The following POU6F2 variants were observed in gnomAD, a reference collection of about 807,000 sequenced individuals.
The protein encoded by POU6F2 is POU class 6 homeobox 2, also known as POU domain, class 6, transcription factor 2.
POU6F2 carries 31 observed loss-of-function variants against 71.3 expected under a neutral mutation model. The ratio of observed to expected loss-of-function variants is 0.43; its 90% CI spans 0.33 to 0.59. The LOEUF (loss-of-function observed/expected upper bound fraction) is 0.59, where lower values mean the gene tolerates loss of function less well. Among genes scored for constraint, POU6F2 ranks in the 20% least tolerant of loss-of-function variants. The pLI is 0.04. For missense variants in POU6F2, 783 were observed against 856.8 expected (o/e 0.91, Z 1.07); for synonymous variants, 347 against 355.7 (o/e 0.98, Z 0.27).
intron 5 of POU6F2, among the ~76,000 whole-genome samples, chr7:39,382,886 T>C (rs1489900500): frequency 6.6e-6 from 1 of 152,160 alleles, no homozygotes; most frequent in Non-Finnish European, 1.5e-5. Flanking sequence ...TAATTGATCT[T>C]CATAATAATA....
chr7:39,141,260 T>G (rs1202704340), intron 2 of POU6F2, among the ~76,000 whole-genome samples: 1 of 152,196 alleles, frequency 6.6e-6, no homozygotes, highest in Non-Finnish European at 1.5e-5. Context: ...CAGGAGTATT[T>G]CTGATTGAAT....
chr7:39,264,274 G>A (rs1177182044), intron 4 of POU6F2, among the ~76,000 whole-genome samples: 1 of 152,176 alleles, frequency 6.6e-6, no homozygotes, highest in African/African-American at 2.4e-5. Context: ...CTCTATTGGT[G>A]TTAGCTGTTA....
intron 4 of POU6F2, among the ~76,000 whole-genome samples, chr7:39,260,011 C>T (rs570577016): frequency 0.018 from 2,628 of 148,972 alleles, 37 homozygotes; most frequent in Middle Eastern, 0.051. Context: ...CCACACCACA[C>T]CATACCATGC....
intron 2 of POU6F2, among the ~76,000 whole-genome samples, chr7:39,155,675 G>A (rs557926555): frequency 8.5e-5 from 13 of 152,108 alleles, no homozygotes; most frequent in Non-Finnish European, 1.3e-4. Context: ...TGTGTCAGAG[G>A]ATGCATAAAT....
At chr7:39,010,411 T>C (rs1482125704) in intron 1 of POU6F2, among the ~76,000 whole-genome samples, 9 of 151,212 alleles carry the variant, frequency 6.0e-5, no homozygotes, top group African/African-American at 2.2e-4. Flanking sequence ...GATTCTTCTC[T>C]CTTTTTTTCT....
At chr7:39,336,684 A>C (rs1785785259) in intron 4 of POU6F2, among the ~76,000 whole-genome samples, 1 of 152,212 alleles carries the variant, frequency 6.6e-6, no homozygotes, top group Non-Finnish European at 1.5e-5. Flanking sequence ...GTATGTGAAC[A>C]GCAGTGAGTA....
chr7:39,087,850 C>T (rs754552095), intron 2 of POU6F2, among the ~76,000 whole-genome samples: 15 of 151,916 alleles, frequency 9.9e-5, no homozygotes, highest in Non-Finnish European at 1.8e-4. Flanking sequence ...GTTTAGGGTT[C>T]CCAGTGTTGA....
intron 2 of POU6F2, among the ~76,000 whole-genome samples, chr7:39,180,509 C>T (rs1793415263): frequency 2.6e-5 from 4 of 152,172 alleles, no homozygotes; most frequent in Non-Finnish European, 5.9e-5. Context: ...CTCCACCAGG[C>T]TTTGATGCTC....
intron 2 of POU6F2, among the ~76,000 whole-genome samples, chr7:39,109,641 GTATAATTT>G (rs1562709584): frequency 6.6e-6 from 1 of 152,140 alleles, no homozygotes; most frequent in East Asian, 1.9e-4. Flanking sequence ...TAGTTTGATA[GTATAATTT>G]ATACTGTAAT....
chr7:39,196,478 C>A (rs1215032912), intron 2 of POU6F2, among the ~76,000 whole-genome samples: 1 of 152,164 alleles, frequency 6.6e-6, no homozygotes, highest in East Asian at 1.9e-4. Context: ...CTAATTTGGG[C>A]CGGGCGCAGT....
At chr7:39,229,952 A>G (rs1328598753) in intron 4 of POU6F2, among the ~76,000 whole-genome samples, 1 of 152,234 alleles carries the variant, frequency 6.6e-6, no homozygotes. Flanking sequence ...CTTACTTGCC[A>G]CAGGCACCCT....
chr7:39,004,913 T>C (rs1206460796), intron 1 of POU6F2: 1 of 152,168 alleles, frequency 6.6e-6, no homozygotes, highest in Admixed American at 6.6e-5. Context: ...AAAGACACAA[T>C]GGCCAGGCTC....
chr7:39,093,349 A>G (rs1005094070), intron 2 of POU6F2, among the ~76,000 whole-genome samples: 5 of 152,156 alleles, frequency 3.3e-5, no homozygotes, highest in Non-Finnish European at 7.4e-5. Context: ...ATGGGACTGT[A>G]TAATGAAATC....
At chr7:39,390,138 G>A (rs947369870) in intron 5 of POU6F2, among the ~76,000 whole-genome samples, 2 of 152,178 alleles carry the variant, frequency 1.3e-5, no homozygotes, top group African/African-American at 4.8e-5. Context: ...GCTCACTCCT[G>A]GAATCCCAGC....
chr7:39,332,933 C>A (rs1562793506), intron 4 of POU6F2, among the ~76,000 whole-genome samples: 1 of 152,042 alleles, frequency 6.6e-6, no homozygotes, highest in South Asian at 2.1e-4. Context: ...TTGGGGTGCC[C>A]ACATCCACAT....
chr7:39,128,701 A>G (rs1204555175), intron 2 of POU6F2, among the ~76,000 whole-genome samples: 2 of 152,228 alleles, frequency 1.3e-5, no homozygotes, highest in Admixed American at 1.3e-4. Context: ...CTAGGAAACA[A>G]GAAAGAAAAC....
At chr7:39,272,379 G>A (rs137882854) in intron 4 of POU6F2, among the ~76,000 whole-genome samples, 80 of 152,236 alleles carry the variant, frequency 5.3e-4, no homozygotes, top group African/African-American at 1.9e-3. Context: ...GGACCAGGGG[G>A]CCTTTCTGTC....
intron 5 of POU6F2, among the ~76,000 whole-genome samples, chr7:39,368,388 G>C (rs1786546972): frequency 1.3e-5 from 2 of 152,208 alleles, no homozygotes; most frequent in Admixed American, 1.3e-4. Context: ...GGCTGAGAGA[G>C]ATGAGGAAGC....
chr7:39,127,045 T>G (rs1396393677), intron 2 of POU6F2, among the ~76,000 whole-genome samples: 3 of 152,234 alleles, frequency 2.0e-5, no homozygotes, highest in Non-Finnish European at 4.4e-5. Flanking sequence ...ATATATTTTA[T>G]TTAACCTCAT....
Sources: allele counts gnomAD v4.1 joint callset (sites outside exome capture counted in the v4.1 genomes callset), GRCh38; gene constraint gnomAD v4.1.1; transcripts MANE v1.5; gene names NCBI Gene and HGNC (gene_info 2026-07-23, HGNC 2026-07-21).